SESN1: variants seen among roughly 807,000 people sequenced by gnomAD.
The protein encoded by SESN1 is sestrin-1.
Under a neutral mutation model 59.3 loss-of-function variants are expected in SESN1, and 30 were observed. The ratio of observed to expected loss-of-function variants is 0.51; its 90% CI spans 0.38 to 0.69. The LOEUF (loss-of-function observed/expected upper bound fraction) is 0.69. Ranked by LOEUF, SESN1 falls within the 30% of genes least tolerant of loss-of-function variation. The probability of loss-of-function intolerance (pLI) is 0.00; values close to 1 mark genes in which losing one functional copy is unlikely to be tolerated. For missense variants in SESN1, 566 were observed against 673.0 expected, an observed-to-expected ratio of 0.84 and a Z score of 1.76; for synonymous variants, 197 against 219.9, an observed-to-expected ratio of 0.90 and a Z score of 0.92.
chr6:109,030,820 A>G (rs765076806), intron 1 of SESN1, among the ~76,000 whole-genome samples: 56 of 152,206 alleles, frequency 3.7e-4, no homozygotes, highest in Non-Finnish European at 7.1e-4. Context: ...GATGTATCTC[A>G]TTATTCCTAT....
chr6:109,061,487 T>G (rs1424267179), intron 1 of SESN1, among the ~76,000 whole-genome samples: 1 of 152,198 alleles, frequency 6.6e-6, no homozygotes, highest in Non-Finnish European at 1.5e-5. Flanking sequence ...TGCAATAAAC[T>G]TGATCTTCAT....
chr6:109,033,622 ATTATT>A (rs1386824573), intron 1 of SESN1, among the ~76,000 whole-genome samples: 2 of 152,174 alleles, frequency 1.3e-5, no homozygotes, highest in Non-Finnish European at 2.9e-5. Context: ...ACCCCAGCAC[ATTATT>A]TTATCTCCTC....
intron 1 of SESN1, among the ~76,000 whole-genome samples, chr6:109,054,294 C>T (rs1051914202): frequency 1.2e-4 from 18 of 151,508 alleles, no homozygotes; most frequent in African/African-American, 4.1e-4. Context: ...AACAAAAATA[C>T]GAGGTAAGAG....
intron 6 of SESN1, 53 bp downstream of exon 6, chr6:108,994,409 A>G: frequency 6.8e-7 from 1 of 1,466,144 alleles, no homozygotes; most frequent in East Asian, 2.3e-5. Flanking sequence ...AATTCTCTAA[A>G]TAAAAAGTTG....
chr6:109,045,046 T>G (rs1419671770), intron 1 of SESN1, among the ~76,000 whole-genome samples: 1 of 151,398 alleles, frequency 6.6e-6, no homozygotes, highest in Non-Finnish European at 1.5e-5. Context: ...GCTGAACTCA[T>G]CACCTTCCCC....
chr6:108,987,706 C>T (rs1779236826), intron 9 of SESN1, 76 bp from the exon 10 acceptor site: 4 of 774,978 alleles, frequency 5.2e-6, no homozygotes, highest in South Asian at 1.5e-5. Flanking sequence ...ATCTAATGAA[C>T]ACATAAAATA....
At chr6:109,015,620 A>G (rs557620737) in intron 1 of SESN1, among the ~76,000 whole-genome samples, 1 of 152,324 alleles carries the variant, frequency 6.6e-6, no homozygotes, top group South Asian at 2.1e-4. Flanking sequence ...ACTGAGTTAA[A>G]TAAGAAGGAA....
At chr6:109,025,974 A>G (rs557000516) in intron 1 of SESN1, among the ~76,000 whole-genome samples, 2 of 152,138 alleles carry the variant, frequency 1.3e-5, no homozygotes, top group South Asian at 4.2e-4. Flanking sequence ...AGGAAGCACA[A>G]TGAATCTCAT....
At chr6:109,089,721 T>A (rs913258653) in intron 1 of SESN1, among the ~76,000 whole-genome samples, 1 of 152,188 alleles carries the variant, frequency 6.6e-6, no homozygotes, top group African/African-American at 2.4e-5. Flanking sequence ...CATGCTTAAT[T>A]TTGTTATTTT....
chr6:109,003,525 T>G (rs1354826166), intron 1 of SESN1, among the ~76,000 whole-genome samples: 1 of 152,108 alleles, frequency 6.6e-6, no homozygotes, highest in African/African-American at 2.4e-5. Flanking sequence ...GACATCAAGA[T>G]TCAAAGTAGT....
intron 1 of SESN1, chr6:109,090,686 T>C (rs954502797): frequency 5.3e-5 from 8 of 151,854 alleles, no homozygotes; most frequent in African/African-American, 1.9e-4. Flanking sequence ...AGAGGAGGGG[T>C]TGGTCTTGCT....
intron 1 of SESN1, among the ~76,000 whole-genome samples, chr6:109,032,884 T>C (rs1442295881): frequency 6.6e-6 from 1 of 152,070 alleles, no homozygotes; most frequent in East Asian, 1.9e-4. Flanking sequence ...TTTCTTCTGC[T>C]AAAAGGGAAG....
intron 1 of SESN1, among the ~76,000 whole-genome samples, chr6:109,066,917 T>G (rs1272666908): frequency 1.3e-5 from 2 of 152,110 alleles, no homozygotes; most frequent in African/African-American, 4.8e-5. Flanking sequence ...CAATAGAAAC[T>G]CTCAGATCTG....
chr6:109,084,510 G>A (rs929044700), intron 1 of SESN1, among the ~76,000 whole-genome samples: 1 of 152,048 alleles, frequency 6.6e-6, no homozygotes, highest in Non-Finnish European at 1.5e-5. Flanking sequence ...CTGAAATCAC[G>A]CCATTGCACT....
intron 1 of SESN1, among the ~76,000 whole-genome samples, chr6:109,084,969 GCTC>G (rs1451484385): frequency 6.6e-6 from 1 of 151,924 alleles, no homozygotes; most frequent in African/African-American, 2.4e-5. Context: ...TCTAATAAAT[GCTC>G]CTAATAGTCA....
At chr6:109,000,325 T>G (rs1779588514) in intron 4 of SESN1, 166 bp downstream of exon 4, 3 of 477,886 alleles carry the variant, frequency 6.3e-6, no homozygotes, top group African/African-American at 5.9e-5. Context: ...TTACAGCAAA[T>G]GTACCACAGA....
At chr6:109,066,189 A>G (rs1780821227) in intron 1 of SESN1, among the ~76,000 whole-genome samples, 1 of 152,132 alleles carries the variant, frequency 6.6e-6, no homozygotes, top group Admixed American at 6.5e-5. Flanking sequence ...AAACTAAAAC[A>G]AAAATACACA....
At chr6:108,989,564 G>C (rs1449350504) in intron 8 of SESN1, among the ~76,000 whole-genome samples, 1 of 104,148 alleles carries the variant, frequency 9.6e-6, no homozygotes, top group Non-Finnish European at 2.0e-5. Context: ...TAGATCTCTA[G>C]ATCTAGAGAT....
chr6:108,992,037 A>T (rs1184855162), intron 7 of SESN1, among the ~76,000 whole-genome samples: 1 of 152,184 alleles, frequency 6.6e-6, no homozygotes, highest in East Asian at 1.9e-4. Flanking sequence ...TGATGTCTTC[A>T]ATTTCTAATC....
Sources: allele counts gnomAD v4.1 joint callset (sites outside exome capture counted in the v4.1 genomes callset), GRCh38; gene constraint gnomAD v4.1.1; transcripts MANE v1.5; gene names NCBI Gene and HGNC (gene_info 2026-07-23, HGNC 2026-07-21).